SGCZ: variants seen among roughly 807,000 people sequenced by gnomAD.
SGCZ encodes the protein sarcoglycan zeta, also known as zeta-sarcoglycan.
In SGCZ, 40 loss-of-function variants were observed where a neutral mutation model predicts 41.3. The observed-to-expected ratio is 0.97, with a 90% CI of 0.75 to 1.26. The LOEUF is 1.26. Ranked by LOEUF, SGCZ falls within the 50% of genes most tolerant of loss-of-function variation. The pLI is 0.00. For synonymous variants in SGCZ, 206 were observed against 137.5 expected (o/e 1.50, Z -3.49); for missense variants, 552 against 369.8 (o/e 1.49, Z -4.04).
chr8:14,483,336 T>C (rs1047490992), intron 2 of SGCZ, among the ~76,000 whole-genome samples: 2 of 152,172 alleles, frequency 1.3e-5, no homozygotes, highest in Admixed American at 6.5e-5. Context: ...TTGGGAGGCA[T>C]AGGCAGGAGG....
intron 1 of SGCZ, among the ~76,000 whole-genome samples, chr8:14,820,927 A>C (rs2130567813): frequency 6.6e-6 from 1 of 151,770 alleles, no homozygotes; most frequent in Non-Finnish European, 1.5e-5. Flanking sequence ...GGAACAAAAA[A>C]AAAACACTAG....
chr8:14,664,890 G>A (rs1318122679), intron 1 of SGCZ, among the ~76,000 whole-genome samples: 5 of 152,134 alleles, frequency 3.3e-5, no homozygotes, highest in Non-Finnish European at 7.4e-5. Context: ...ATTGTGGTTA[G>A]TAGAGGTGGC....
chr8:14,986,608 A>C (rs942804495), intron 1 of SGCZ, among the ~76,000 whole-genome samples: 5 of 152,114 alleles, frequency 3.3e-5, no homozygotes, highest in African/African-American at 1.2e-4. Flanking sequence ...ATATATGCCA[A>C]TTACACATTT....
At chr8:15,177,863 G>A (rs1214628383) in intron 1 of SGCZ, among the ~76,000 whole-genome samples, 4 of 152,188 alleles carry the variant, frequency 2.6e-5, no homozygotes, top group African/African-American at 7.2e-5. Flanking sequence ...AGACACTTGG[G>A]GAAGCTATGA....
At chr8:14,761,624 C>A (rs1799879643) in intron 1 of SGCZ, among the ~76,000 whole-genome samples, 1 of 151,490 alleles carries the variant, frequency 6.6e-6, no homozygotes, top group South Asian at 2.1e-4. Context: ...CTCTTACCTC[C>A]CGGATTCGAA....
intron 4 of SGCZ, among the ~76,000 whole-genome samples, chr8:14,230,972 G>A (rs761786982): frequency 3.4e-4 from 52 of 152,132 alleles, no homozygotes; most frequent in South Asian, 4.1e-4. Context: ...TTATTTCAAC[G>A]TGGTAAATGA....
intron 3 of SGCZ, among the ~76,000 whole-genome samples, chr8:14,304,923 C>T (rs369676719): frequency 5.9e-5 from 9 of 152,172 alleles, no homozygotes; most frequent in East Asian, 3.9e-4. Context: ...AATCAAGCTT[C>T]AGAGGTGTGT....
At chr8:14,506,597 A>T (rs1212449628) in intron 2 of SGCZ, among the ~76,000 whole-genome samples, 1 of 152,128 alleles carries the variant, frequency 6.6e-6, no homozygotes, top group Non-Finnish European at 1.5e-5. Context: ...AAACCTTGAC[A>T]AAATTTTCTT....
intron 1 of SGCZ, among the ~76,000 whole-genome samples, chr8:15,153,822 A>C (rs1277876050): frequency 6.6e-6 from 1 of 152,150 alleles, no homozygotes; most frequent in South Asian, 2.1e-4. Context: ...ACCTGTGTTT[A>C]ATTATAAATT....
At chr8:14,784,517 A>G (rs1403254111) in intron 1 of SGCZ, among the ~76,000 whole-genome samples, 1 of 152,136 alleles carries the variant, frequency 6.6e-6, no homozygotes, top group African/African-American at 2.4e-5. Flanking sequence ...TCTCTGAGTG[A>G]TGAACTGGTA....
intron 1 of SGCZ, among the ~76,000 whole-genome samples, chr8:15,165,148 G>C (rs1448565221): frequency 1.3e-5 from 2 of 152,100 alleles, no homozygotes; most frequent in Admixed American, 1.3e-4. Context: ...AAATTAGCCA[G>C]GCGTGGTGGT....
intron 1 of SGCZ, among the ~76,000 whole-genome samples, chr8:14,742,524 T>A (rs546897057): frequency 6.6e-6 from 1 of 152,046 alleles, no homozygotes; most frequent in African/African-American, 2.4e-5. Flanking sequence ...CTTTACAATA[T>A]AGGAAATTCA....
chr8:14,581,612 A>C (rs1185277466), intron 1 of SGCZ, among the ~76,000 whole-genome samples: 2 of 151,962 alleles, frequency 1.3e-5, no homozygotes, highest in African/African-American at 4.8e-5. Flanking sequence ...AAACAGAATC[A>C]CCTGTGTTTT....
At chr8:15,002,656 C>CT (rs1802467408) in intron 1 of SGCZ, among the ~76,000 whole-genome samples, 1 of 152,074 alleles carries the variant, frequency 6.6e-6, no homozygotes, top group Non-Finnish European at 1.5e-5. Context: ...CCTTCTCAAG[C>CT]TTTTTGGGGG....
At chr8:14,702,731 T>TGATAGATAGATAGATA (rs35625599) in intron 1 of SGCZ, among the ~76,000 whole-genome samples, 8 of 91,200 alleles carry the variant, frequency 8.8e-5, no homozygotes, top group South Asian at 8.0e-4. Context: ...CTGGCTTCAA[T>TGATAGATAGATAGATA]GATAGATAGA....
chr8:14,775,894 T>C (rs1563261412), intron 1 of SGCZ, among the ~76,000 whole-genome samples: 1 of 152,072 alleles, frequency 6.6e-6, no homozygotes, highest in Non-Finnish European at 1.5e-5. Flanking sequence ...ACAATTCCAA[T>C]ATGTAAAACA....
At chr8:14,539,814 G>T (rs1279048127) in intron 2 of SGCZ, among the ~76,000 whole-genome samples, 1 of 151,914 alleles carries the variant, frequency 6.6e-6, no homozygotes, top group Non-Finnish European at 1.5e-5. Flanking sequence ...TTCCATTCCT[G>T]TTAGTTTGCT....
At chr8:14,915,343 A>C (rs1356542394) in intron 1 of SGCZ, among the ~76,000 whole-genome samples, 3 of 152,188 alleles carry the variant, frequency 2.0e-5, no homozygotes, top group East Asian at 3.9e-4. Flanking sequence ...TTAAGAAATC[A>C]CTTAGGGAGA....
chr8:14,783,694 G>C (rs1207088162), intron 1 of SGCZ, among the ~76,000 whole-genome samples: 2 of 152,080 alleles, frequency 1.3e-5, no homozygotes, highest in Admixed American at 1.3e-4. Flanking sequence ...TCAGTGATCA[G>C]TTTAAGGGTT....
Sources: allele counts gnomAD v4.1 joint callset (sites outside exome capture counted in the v4.1 genomes callset), GRCh38; gene constraint gnomAD v4.1.1; transcripts MANE v1.5; gene names NCBI Gene and HGNC (gene_info 2026-07-23, HGNC 2026-07-21).